C2CD3: variants seen among roughly 807,000 people sequenced by gnomAD.
C2CD3 encodes C2 domain-containing protein 3.
A neutral mutation model predicts 234.0 loss-of-function variants in C2CD3; 148 were observed. That is an observed-to-expected ratio of 0.63 (90% confidence interval 0.55 to 0.72). The LOEUF (loss-of-function observed/expected upper bound fraction) is 0.72, where lower values mean the gene tolerates loss of function less well. Among genes scored for constraint, C2CD3 ranks in the 30% least tolerant of loss-of-function variants. C2CD3 has a pLI of 0.00. For missense variants in C2CD3, 2,577 were observed against 2,811.5 expected (o/e 0.92, Z 1.89); for synonymous variants, 1,000 against 1,035.4 (o/e 0.97, Z 0.66).
chr11:74,154,800 TGAA>T (rs1259247732), intron 3 of C2CD3, among the ~76,000 whole-genome samples: 1 of 151,880 alleles, frequency 6.6e-6, no homozygotes, highest in Non-Finnish European at 1.5e-5. Flanking sequence ...TGTGAACTCC[TGAA>T]GAAGATAAAA....
intron 18 of C2CD3, 113 bp from the exon 19 acceptor site, chr11:74,092,701 T>C (rs1955943284): frequency 7.3e-6 from 6 of 826,998 alleles, no homozygotes; most frequent in Non-Finnish European, 9.4e-6. Context: ...TTGTTCTGTG[T>C]TGGTAGTACG....
intron 31 of C2CD3, among the ~76,000 whole-genome samples, chr11:74,031,022 T>C (rs138780010): frequency 1.5e-3 from 227 of 152,326 alleles, no homozygotes; most frequent in African/African-American, 5.1e-3. Context: ...ATTGCAAGTG[T>C]CCTAACTAGC....
At chr11:74,147,412 G>A (rs80204005) in intron 3 of C2CD3, among the ~76,000 whole-genome samples, 4,384 of 152,138 alleles carry the variant, frequency 0.029, 201 homozygotes, top group African/African-American at 0.099. Context: ...GCAAGACCCC[G>A]TCTTAAATAA....
chr11:74,164,019 C>A (rs979820297), intron 2 of C2CD3: 11 of 207,290 alleles, frequency 5.3e-5, no homozygotes. Context: ...CTAGGTTCAC[C>A]CAGCTTTAAA....
intron 31 of C2CD3, among the ~76,000 whole-genome samples, chr11:74,032,690 A>C (rs1440608632): frequency 6.6e-6 from 1 of 152,066 alleles, no homozygotes; most frequent in Non-Finnish European, 1.5e-5. Flanking sequence ...TGGGTGACAC[A>C]GCAAGACCCC....
At chr11:74,020,266 T>C (rs1952032367) in intron 32 of C2CD3, among the ~76,000 whole-genome samples, 1 of 152,246 alleles carries the variant, frequency 6.6e-6, no homozygotes, top group Non-Finnish European at 1.5e-5. Flanking sequence ...CTAATTCCTA[T>C]CTTGTTTCAG....
intron 5 of C2CD3, among the ~76,000 whole-genome samples, chr11:74,137,157 C>T (rs1957891076): frequency 6.6e-6 from 1 of 151,780 alleles, no homozygotes; most frequent in South Asian, 2.1e-4. Flanking sequence ...TGAGGTCTTC[C>T]TTTGCCAACC....
chr11:74,078,393 T>A lies in C2CD3; in HGVS notation c.4325A>T (p.Tyr1442Phe), dbSNP rs930061328. The change falls in exon 23 of 33, where the codon TAT becomes TTT. Residue 1442 changes from tyrosine to phenylalanine, a missense_variant. Physicochemically the swap from Tyr to Phe is conservative, Grantham distance 22. Transcript: ENST00000334126. Reference protein sequence around the residue: ...NTYCYLRYKFYDHEAFWTPLK... With the variant: ...NTYCYLRYKFFDHEAFWTPLK... Reference sequence around the variant, plus strand: ...AGGGGTCCAAAAGGCTTCATGATCATAGAACTTGTAGCGAAGGTAGCAATA... The same window carrying A: ...AGGGGTCCAAAAGGCTTCATGATCAAAGAACTTGTAGCGAAGGTAGCAATA... 2.5e-6 allele frequency: 4 copies of A among 1,614,042 alleles called. No homozygotes were observed. In the African/African-American group the frequency reaches 5.3e-5, roughly 22 times the overall value.
chr11:74,121,622 A>G (rs1220574120), intron 8 of C2CD3, among the ~76,000 whole-genome samples: 1 of 146,908 alleles, frequency 6.8e-6, no homozygotes, highest in Admixed American at 6.6e-5. Flanking sequence ...AAAAAAAAAA[A>G]AAAAAAAGAA....
In C2CD3 at chr11:74,078,584, C is replaced by T. The variant is rs145365555; in HGVS notation, c.4134G>A (p.Val1378=). The T allele has an allele frequency of 5.0e-6, 8 of 1,614,060 alleles. No homozygotes were observed. In the African/African-American group the frequency reaches 9.3e-5, roughly 19 times the overall value. ...AGCCCAAATGCTCAGCAGCTTCCAA[C>T]ACCCGTTCTCTATCTCCACGATGCG... is the stretch of plus-strand genomic sequence containing the variant. ...SFTHRGDRER[V]LEAAEHLGWS... Residue 1378 remains valine (V), a synonymous_variant, in exon 23 of 33, where the codon GTG becomes GTA. Transcript: ENST00000334126.
chr11:74,034,299 C>G, intron 30 of C2CD3, 21 bp from the exon 31 acceptor site: 1 of 1,524,626 alleles, frequency 6.6e-7, no homozygotes, highest in Non-Finnish European at 8.8e-7. Context: ...ACACATATCA[C>G]TCTTATTACA....
At chr11:74,103,755 A>C (rs1956410084) in intron 13 of C2CD3, 130 bp from the exon 14 acceptor site, 2 of 717,490 alleles carry the variant, frequency 2.8e-6, no homozygotes, top group East Asian at 5.4e-5. Context: ...TAATAGTAAG[A>C]ATATTAACAG....
intron 20 of C2CD3, among the ~76,000 whole-genome samples, chr11:74,087,478 C>A (rs146663034): frequency 6.6e-6 from 1 of 151,770 alleles, no homozygotes; most frequent in African/African-American, 2.4e-5. Context: ...TCAGGAGAAT[C>A]GCTTGAACCC....
chr11:74,079,724 G>T lies in C2CD3; in HGVS notation c.4001-1007C>A, dbSNP rs147806602. On this transcript the variant is annotated intron_variant, in intron 22 of 32. Coordinates refer to ENST00000334126, the MANE Select transcript of C2CD3 (RefSeq NM_001286577.2). ...TTACTGCTACCAAGTAAGAGAGCTAGAATTTGACTCCAGGTCTAGCTGGCT... is the reference window on the plus strand; with the variant it reads ...TTACTGCTACCAAGTAAGAGAGCTATAATTTGACTCCAGGTCTAGCTGGCT... Among the ~76,000 whole-genome samples the T allele has an allele frequency of 5.5e-3, 838 of 152,062 alleles. 4 individuals are homozygous for T. Among genetic ancestry groups the T allele is most frequent in the Non-Finnish European group, 9.9e-3 (670 of 67,994 alleles).
chr11:74,055,432 G>A lies in C2CD3; in HGVS notation c.5091-761C>T, dbSNP rs546564670. ...AGTGTTGGAAAGTTCCAAACCAGGT[G>A]CCAGTGCTCCAGGTAAGCAAGATGG... On this transcript the variant is annotated intron_variant, in intron 25 of 32. Coordinates refer to ENST00000334126, the MANE Select transcript of C2CD3 (RefSeq NM_001286577.2). 5.1e-4 allele frequency among the ~76,000 whole-genome samples: 77 copies of A among 152,328 alleles called. 1 individual carries two copies. Among genetic ancestry groups the A allele is most frequent in the African/African-American group, 1.8e-3 (76 of 41,572 alleles).
chr11:74,085,088 C>G, intron 21 of C2CD3, 118 bp from the exon 22 acceptor site: 1 of 575,028 alleles, frequency 1.7e-6, no homozygotes, highest in South Asian at 2.2e-5. Flanking sequence ...TTGTAAAATG[C>G]ATTAGAGATT....
chr11:74,122,912 C>CTGTCTGGCAATTGA, intron 8 of C2CD3, 76 bp downstream of exon 8: 1 of 1,045,958 alleles, frequency 9.6e-7, no homozygotes, highest in Non-Finnish European at 1.4e-6. Context: ...AAATGCATAG[C>CTGTCTGGCAATTGA]TGTCATGCCT....
At chr11:74,114,967 GC>G (rs2135511484) in intron 9 of C2CD3, among the ~76,000 whole-genome samples, 1 of 152,132 alleles carries the variant, frequency 6.6e-6, no homozygotes, top group South Asian at 2.1e-4. Flanking sequence ...CTCCCAAAGT[GC>G]TGGGATTACA....
intron 6 of C2CD3, 74 bp from the exon 7 acceptor site, chr11:74,133,046 C>G: frequency 7.1e-7 from 1 of 1,417,724 alleles, no homozygotes; most frequent in Non-Finnish European, 9.9e-7. Context: ...TCACTTCGTA[C>G]ATGCAGCTGG....
Sources: allele counts gnomAD v4.1 joint callset (sites outside exome capture counted in the v4.1 genomes callset), GRCh38; gene constraint gnomAD v4.1.1; transcripts MANE v1.5; gene names NCBI Gene and HGNC (gene_info 2026-07-23, HGNC 2026-07-21).